FAM25A: variants seen among roughly 807,000 people sequenced by gnomAD.
The protein encoded by FAM25A is protein FAM25A.
A neutral mutation model predicts 6.6 loss-of-function variants in FAM25A; 5 were observed. That is an observed-to-expected ratio of 0.75 (90% CI 0.39 to 1.59). The LOEUF is 1.59. Among genes scored for constraint, FAM25A ranks in the 40% most tolerant of loss-of-function variants. The pLI is 0.02. For synonymous variants in FAM25A, 36 were observed against 41.3 expected, an observed-to-expected ratio of 0.87 and a Z score of 0.49; for missense variants, 93 against 109.7, an observed-to-expected ratio of 0.85 and a Z score of 0.68.
At chr10:87,021,420 A>G (rs1466014806) in intron 1 of FAM25A, among the ~76,000 whole-genome samples, 1 of 152,092 alleles carries the variant, frequency 6.6e-6, no homozygotes, top group Admixed American at 6.6e-5. Context: ...TAGCACTCCC[A>G]TTTTCTCAAG....
At chr10:87,023,046 C>T (rs868655411) in intron 2 of FAM25A, among the ~76,000 whole-genome samples, 3 of 151,466 alleles carry the variant, frequency 2.0e-5, no homozygotes, top group Admixed American at 6.6e-5. Flanking sequence ...ACGGTGAAAC[C>T]CCATCTCTAC....
At chr10:87,022,041 C>T (rs761162415) in intron 1 of FAM25A, among the ~76,000 whole-genome samples, 4 of 152,176 alleles carry the variant, frequency 2.6e-5, no homozygotes, top group African/African-American at 9.7e-5. Flanking sequence ...TCACTGAGCT[C>T]GTCTCCCGGC....
At position 87,023,175 on chromosome 10, in the gene FAM25A, C is replaced by T. The variant is rs1190629440; in HGVS notation, c.136+799C>T. Among the ~76,000 whole-genome samples the T allele has an allele frequency of 2.6e-5, 4 of 150,966 alleles. No homozygotes were observed. In the East Asian group the frequency reaches 5.9e-4, roughly 22 times the overall value. ...GGCGGAGCTTGCAGTGAGCCGAGAT[C>T]GTGCCACTGCACTCCAGCCTGGGCG... On this transcript the variant is annotated intron_variant, in intron 2 of 2. Transcript: ENST00000343959.
At chr10:87,022,457 A>C (rs1845338738) in intron 2 of FAM25A, 81 bp downstream of exon 2, 6 of 1,471,034 alleles carry the variant, frequency 4.1e-6, no homozygotes, top group Non-Finnish European at 5.5e-6. Flanking sequence ...TCTTTGACTA[A>C]CCAGGTCAAA....
chr10:87,020,800 T>A (rs1845323452), intron 1 of FAM25A, among the ~76,000 whole-genome samples: 1 of 152,230 alleles, frequency 6.6e-6, no homozygotes, highest in Non-Finnish European at 1.5e-5. Flanking sequence ...TTCAATTTCA[T>A]CCAAGTCCCC....
chr10:87,022,436 G>C lies in FAM25A; in HGVS notation c.136+60G>C. 5 of 1,532,772 alleles carry C rather than the reference G, an allele frequency of 3.3e-6. No individual in the cohort carries two copies. In the South Asian group the frequency reaches 6.0e-5, roughly 18 times the overall value. 94.9% of individuals were successfully genotyped at this position (1,532,772 alleles called of 1,614,324 possible). A position where few individuals can be genotyped will look rare whatever the true frequency, so the allele number is the denominator to read the frequency against. On this transcript the variant is annotated intron_variant, in intron 2 of 2. Coordinates refer to ENST00000343959, the MANE Select transcript of FAM25A (RefSeq NM_001146157.3). ...AGGGAGCAAGGGAAGCTAGGTGCTG[G>C]GCCAACCTGTTCTTTGACTAACCAG...
intron 2 of FAM25A, among the ~76,000 whole-genome samples, chr10:87,024,322 G>A (rs1845358110): frequency 6.6e-6 from 1 of 152,118 alleles, no homozygotes; most frequent in African/African-American, 2.4e-5. Context: ...ATGTACCCAT[G>A]AGTAGATGCT....
At position 87,022,877 on chromosome 10, in the gene FAM25A, A is replaced by G. The variant is rs1242417059; in HGVS notation, c.136+501A>G. Among the ~76,000 whole-genome samples, 4 of 149,124 alleles carry G rather than the reference A, an allele frequency of 2.7e-5. No individual in the cohort carries two copies. In the Admixed American group the frequency reaches 2.7e-4, roughly 10 times the overall value. The stretch of plus-strand genomic sequence containing the variant: ...GGGAGGCAGAGCTTGCAGTGAGCCT[A>G]GATCATGCCACTGCACTCCAGCCTG... On this transcript the variant is annotated intron_variant, in intron 2 of 2. Coordinates refer to ENST00000343959, the MANE Select transcript of FAM25A (RefSeq NM_001146157.3).
At chr10:87,023,456 C>T (rs1166748894) in intron 2 of FAM25A, among the ~76,000 whole-genome samples, 1 of 152,210 alleles carries the variant, frequency 6.6e-6, no homozygotes, top group Non-Finnish European at 1.5e-5. Context: ...TGCAGTGGCT[C>T]ACGCCTGTAA....
At chr10:87,020,645 T>C (rs1390949497) in intron 1 of FAM25A, among the ~76,000 whole-genome samples, 1 of 152,140 alleles carries the variant, frequency 6.6e-6, no homozygotes, top group Non-Finnish European at 1.5e-5. Flanking sequence ...CCTCTGGAAA[T>C]CTGGGGAGCC....
intron 2 of FAM25A, among the ~76,000 whole-genome samples, chr10:87,023,755 G>A (rs906642128): frequency 9.7e-5 from 10 of 102,700 alleles, no homozygotes; most frequent in Admixed American, 7.9e-4. Context: ...GGGCGACTTA[G>A]AAACAACAGA....
chr10:87,024,040 T>C (rs1170513303), intron 2 of FAM25A, among the ~76,000 whole-genome samples: 19 of 151,692 alleles, frequency 1.3e-4, no homozygotes, highest in East Asian at 1.9e-4. Flanking sequence ...AGTAATAACA[T>C]AAAAGACTTT....
chr10:87,022,144 G>A (rs1474291110), intron 1 of FAM25A, among the ~76,000 whole-genome samples, 170 bp from the exon 2 acceptor site: 2 of 152,058 alleles, frequency 1.3e-5, no homozygotes, highest in Non-Finnish European at 2.9e-5. Flanking sequence ...GCATCCCAGA[G>A]CCCCATCTAG....
At chr10:87,022,480 T>C (rs777782118) in intron 2 of FAM25A, 104 bp downstream of exon 2, 91 of 1,360,800 alleles carry the variant, frequency 6.7e-5, no homozygotes, top group Non-Finnish European at 8.6e-5. Context: ...CTGCCCCCAA[T>C]GTTGCAGCCT....
chr10:87,022,406 G>T, intron 2 of FAM25A, 30 bp downstream of exon 2: 1 of 1,544,830 alleles, frequency 6.5e-7, no homozygotes, highest in Non-Finnish European at 8.7e-7. Flanking sequence ...GGCAGGGAAG[G>T]AGGGAGGGAG....
rs759820087 is a variant in FAM25A at position 87,024,555 on chromosome 10, A to G, written c.151A>G (p.Ile51Val). Residue 51 changes from isoleucine (I) to valine (V), a missense_variant, in exon 3 of 3, where the codon ATA becomes GTA. Ile to Val is a conservative substitution (Grantham distance 29). Coordinates refer to ENST00000343959, the MANE Select transcript of FAM25A (RefSeq NM_001146157.3). Reference sequence around the variant, plus strand: ...CTTTCCAACAGCCATTGCTGAAGCCATAAAGAAAGCCCAAGAGTCAGGGGA... The same window carrying G: ...CTTTCCAACAGCCATTGCTGAAGCCGTAAAGAAAGCCCAAGAGTCAGGGGA... ...ETGEKAIAEA[I>V]KKAQESGDKK... The G allele has an allele frequency of 1.5e-4, 228 of 1,535,696 alleles. No individual in the cohort carries two copies. The highest frequency in any genetic ancestry group is 1.8e-4 in the Non-Finnish European group (211 of 1,146,908).
intron 2 of FAM25A, among the ~76,000 whole-genome samples, chr10:87,024,090 C>T (rs560595384): frequency 6.8e-5 from 10 of 146,602 alleles, no homozygotes; most frequent in Non-Finnish European, 1.2e-4. Flanking sequence ...AGAACCATGA[C>T]AAAAAAATCA....
In FAM25A at chr10:87,023,652, C is replaced by T. The variant is rs1412326971; in HGVS notation, c.137-889C>T. Among the ~76,000 whole-genome samples, 5 of 152,280 alleles carry T rather than the reference C, an allele frequency of 3.3e-5. 1 individual carries two copies. Among genetic ancestry groups the T allele is most frequent in the South Asian group, 4.1e-4 (2 of 4,828 alleles). ...AGGATACTCCCTTGAACCTGGGAGG[C>T]GGAGGTTGCAGTGAGCTGAGATTGC... On this transcript the variant is annotated intron_variant, in intron 2 of 2. Transcript: ENST00000343959.
intron 1 of FAM25A, among the ~76,000 whole-genome samples, chr10:87,021,569 T>C (rs1845329822): frequency 6.6e-6 from 1 of 152,244 alleles, no homozygotes; most frequent in Non-Finnish European, 1.5e-5. Flanking sequence ...ACACTCGCGA[T>C]GGCGCCCCGC....
Sources: allele counts gnomAD v4.1 joint callset (sites outside exome capture counted in the v4.1 genomes callset), GRCh38; gene constraint gnomAD v4.1.1; transcripts MANE v1.5; gene names NCBI Gene and HGNC (gene_info 2026-07-23, HGNC 2026-07-21).